Variants in PAK2 observed in about 807,000 individuals in gnomAD.
PAK2 encodes the protein p21 (RAC1) activated kinase 2.
Under a neutral mutation model 65.9 loss-of-function variants are expected in PAK2, and 21 were observed. That is an observed-to-expected ratio of 0.32 (90% CI 0.23 to 0.46). The LOEUF (loss-of-function observed/expected upper bound fraction) is 0.46, where lower values mean the gene tolerates loss of function less well. Ranked by LOEUF, PAK2 falls within the 20% of genes least tolerant of loss-of-function variation. The pLI is 1.00. For missense variants in PAK2, 324 were observed against 642.6 expected, an observed-to-expected ratio of 0.50 and a Z score of 5.36; for synonymous variants, 204 against 219.7, an observed-to-expected ratio of 0.93 and a Z score of 0.63.
intron 11 of PAK2, among the ~76,000 whole-genome samples, chr3:196,815,632 C>CA (rs1199215918): frequency 6.6e-6 from 1 of 151,784 alleles, no homozygotes; most frequent in Non-Finnish European, 1.5e-5. Flanking sequence ...ACTAAAAATA[C>CA]AAAAATTAGC....
At chr3:196,798,663 G>C (rs1715331302) in intron 2 of PAK2, among the ~76,000 whole-genome samples, 1 of 152,246 alleles carries the variant, frequency 6.6e-6, no homozygotes, top group Non-Finnish European at 1.5e-5. Flanking sequence ...TTCTTAGCAA[G>C]ATTTTAGCAG....
At position 196,827,180 on chromosome 3, in the gene PAK2, G is replaced by C; in HGVS notation, c.1351-16G>C. 1 of 1,569,758 alleles carries C rather than the reference G, an allele frequency of 6.4e-7. No individual in the cohort carries two copies. The highest frequency in any genetic ancestry group is 1.1e-5 in the South Asian group (1 of 87,724). On this transcript the variant is annotated splice_polypyrimidine_tract_variant and intron_variant, in intron 13 of 14. Transcript: ENST00000327134. The stretch of plus-strand genomic sequence containing the variant: ...GAGCTATCTTAAGTGGATCAAAGAT[G>C]TTCTTCTATTTTTAGGCCTTGTACC...
rs138842528 is a variant in PAK2 at position 196,757,199 on chromosome 3, G to A, written c.-22+17042G>A. Among the ~76,000 whole-genome samples the A allele has an allele frequency of 4.1e-3, 623 of 152,294 alleles. 5 individuals are homozygous for A. The highest frequency in any genetic ancestry group is 0.014 in the African/African-American group (587 of 41,564). ...CAAGGTGACTTAGGTCAGAGCAGGT[G>A]ACCAGGGGTGACTCAGGTCAAAGCA... On this transcript the variant is annotated intron_variant, in intron 1 of 14. Coordinates refer to ENST00000327134, the MANE Select transcript of PAK2 (RefSeq NM_002577.4).
At chr3:196,824,716 C>A (rs2108776093) in intron 13 of PAK2, among the ~76,000 whole-genome samples, 1 of 151,978 alleles carries the variant, frequency 6.6e-6, no homozygotes, top group South Asian at 2.1e-4. Flanking sequence ...CACGGTGGTG[C>A]ACACCTGTAG....
intron 2 of PAK2, among the ~76,000 whole-genome samples, chr3:196,792,509 G>C (rs1715105673): frequency 6.6e-6 from 1 of 152,122 alleles, no homozygotes; most frequent in Admixed American, 6.6e-5. Context: ...ACTGTGACCA[G>C]ATCTCTTTTA....
chr3:196,759,489 GTTTTTTTTGTTTTTTTTTTTTTTTTT>G lies in PAK2; in HGVS notation c.-22+19341_-22+19366del, dbSNP rs1198614373. ...ACCCTTTAAGGTATACAGTTAAGTG[GTTTTTTTTGTTTTTTTTTTTTTTTTT>G]TTTTTTTTTTTTTTTTTTTTTTGAG... is the stretch of plus-strand genomic sequence containing the variant. On this transcript the variant is annotated intron_variant, in intron 1 of 14. Coordinates refer to ENST00000327134, the MANE Select transcript of PAK2 (RefSeq NM_002577.4). Among the ~76,000 whole-genome samples, 60 of 98,874 alleles carry G rather than the reference GTTTTTTTTGTTTTTTTTTTTTTTTTT, an allele frequency of 6.1e-4. 1 individual carries two copies. The highest frequency in any genetic ancestry group is 2.3e-3 in the African/African-American group (52 of 23,096). The allele number at this position is 98,874 out of a possible 152,430, so 64.9% of individuals were successfully genotyped here.
In PAK2 at chr3:196,832,535, G is replaced by A. The variant is rs1415336289; in HGVS notation, c.*4130G>A. 1 of 151,892 alleles carries A rather than the reference G, an allele frequency of 6.6e-6. No individual in the cohort carries two copies. The highest frequency in any genetic ancestry group is 2.1e-4 in the South Asian group (1 of 4,818). 9.4% of individuals were successfully genotyped at this position (151,892 alleles called of 1,614,324 possible). A position where few individuals can be genotyped will look rare whatever the true frequency, so the allele number is the denominator to read the frequency against. ...AAACTTTTATTCTTTCTTTTGATCA[G>A]CGTAAAAGAATATTTTAATGTCTTT... On this transcript the variant is annotated 3_prime_UTR_variant, in exon 15 of 15. Coordinates refer to ENST00000327134, the MANE Select transcript of PAK2 (RefSeq NM_002577.4).
intron 1 of PAK2, among the ~76,000 whole-genome samples, chr3:196,751,977 A>G (rs1713618783): frequency 6.6e-6 from 1 of 151,884 alleles, no homozygotes; most frequent in African/African-American, 2.4e-5. Context: ...TCTTGACCTC[A>G]GGTGTTCTGC....
At chr3:196,809,814 C>T (rs1035710868) in intron 7 of PAK2, among the ~76,000 whole-genome samples, 1 of 151,960 alleles carries the variant, frequency 6.6e-6, no homozygotes, top group Non-Finnish European at 1.5e-5. Context: ...CTACATAAAA[C>T]TATTTATGTC....
At chr3:196,810,380 A>G (rs1031491431) in intron 7 of PAK2, among the ~76,000 whole-genome samples, 1 of 151,996 alleles carries the variant, frequency 6.6e-6, no homozygotes, top group Non-Finnish European at 1.5e-5. Flanking sequence ...TTAAACTTTT[A>G]ATGTGTCTTG....
rs375795703 is a variant in PAK2 at position 196,816,330 on chromosome 3, G to T, written c.1054-1727G>T. 4.6e-5 allele frequency among the ~76,000 whole-genome samples: 7 copies of T among 152,178 alleles called. No homozygotes were observed. The South Asian group carries it at 1.2e-3, about 27-fold the overall frequency. The stretch of plus-strand genomic sequence containing the variant: ...CTACCTGAGGAATAGTACCTCTTTG[G>T]TAGAAGGGAGGAAATAAGAACTCTT... On this transcript the variant is annotated intron_variant, in intron 11 of 14. Transcript: ENST00000327134.
intron 4 of PAK2, among the ~76,000 whole-genome samples, chr3:196,804,924 AT>A (rs1199778986): frequency 1.3e-5 from 2 of 151,894 alleles, no homozygotes; most frequent in African/African-American, 4.8e-5. Context: ...CAATGTCAGA[AT>A]TTTACTTTGC....
chr3:196,780,945 C>T (rs988348137), intron 1 of PAK2, among the ~76,000 whole-genome samples: 42 of 152,156 alleles, frequency 2.8e-4, no homozygotes, highest in African/African-American at 9.7e-4. Flanking sequence ...CCTGCCACCA[C>T]ACCTGGCTAA....
chr3:196,740,723 C>T (rs1029441743), intron 1 of PAK2, among the ~76,000 whole-genome samples: 1 of 152,180 alleles, frequency 6.6e-6, no homozygotes, highest in African/African-American at 2.4e-5. Flanking sequence ...AGGGCCACCG[C>T]TTACGAACTG....
chr3:196,794,298 C>T (rs13064231), intron 2 of PAK2, among the ~76,000 whole-genome samples: 6 of 152,270 alleles, frequency 3.9e-5, no homozygotes, highest in African/African-American at 9.6e-5. Context: ...TGGCTTCACT[C>T]ACTCTGCCCT....
chr3:196,781,063 C>T (rs894098882), intron 1 of PAK2, among the ~76,000 whole-genome samples: 4 of 152,226 alleles, frequency 2.6e-5, no homozygotes, highest in Non-Finnish European at 4.4e-5. Flanking sequence ...GCTGAGATTA[C>T]AGGCATGAGC....
intron 12 of PAK2, among the ~76,000 whole-genome samples, chr3:196,819,303 G>A (rs564216070): frequency 7.2e-5 from 11 of 152,162 alleles, no homozygotes; most frequent in South Asian, 2.1e-4. Flanking sequence ...TTAGCCGGGC[G>A]TGGTGGCAGG....
At chr3:196,805,439 C>A in intron 5 of PAK2, 56 bp downstream of exon 5, 1 of 824,294 alleles carries the variant, frequency 1.2e-6, no homozygotes, top group South Asian at 1.7e-5. Context: ...TTACCCAAGA[C>A]AAATCTCAGT....
intron 2 of PAK2, among the ~76,000 whole-genome samples, chr3:196,790,743 C>G (rs866540872): frequency 6.6e-6 from 1 of 152,174 alleles, no homozygotes; most frequent in Non-Finnish European, 1.5e-5. Flanking sequence ...TTGCAACCAT[C>G]GGCCTCAACT....
Sources: gnomAD v4.1 joint callset for allele counts (sites outside exome capture counted in the v4.1 genomes callset) on GRCh38, gnomAD v4.1.1 for gene constraint, MANE v1.5 for transcripts, NCBI Gene and HGNC (gene_info 2026-07-23, HGNC 2026-07-21) for gene names.